SDK1: variants seen among roughly 807,000 people sequenced by gnomAD.
SDK1 encodes the protein sidekick cell adhesion molecule 1, also known as protein sidekick-1.
Under a neutral mutation model 245.5 loss-of-function variants are expected in SDK1, and 157 were observed. The ratio of observed to expected loss-of-function variants is 0.64; its 90% CI spans 0.56 to 0.73. The LOEUF (loss-of-function observed/expected upper bound fraction) is 0.73, where lower values mean the gene tolerates loss of function less well. SDK1 is among the 30% of genes least tolerant of loss of function. The pLI, the probability that SDK1 is intolerant of heterozygous loss-of-function variation, is 0.00. For missense variants in SDK1, 3,583 were observed against 3,002.3 expected, an observed-to-expected ratio of 1.19 and a Z score of -4.52; for synonymous variants, 1,647 against 1,278.5, an observed-to-expected ratio of 1.29 and a Z score of -6.15.
intron 1 of SDK1, chr7:3,302,409 G>C (rs968138529): frequency 6.6e-6 from 1 of 152,178 alleles, no homozygotes; most frequent in African/African-American, 2.4e-5. Flanking sequence ...AGTGGGTGCT[G>C]CGCGGCCGGT....
At chr7:3,338,245 G>C (rs1780254601) in intron 1 of SDK1, 1 of 335,020 alleles carries the variant, frequency 3.0e-6, no homozygotes, top group Non-Finnish European at 5.6e-6. Context: ...TGATATTGGA[G>C]ACATCAAGGG....
chr7:3,319,794 A>ATTTCACTT (rs1393290561), intron 1 of SDK1, among the ~76,000 whole-genome samples: 1 of 145,782 alleles, frequency 6.9e-6, no homozygotes, highest in Non-Finnish European at 1.5e-5. Context: ...CTGTTTAAGG[A>ATTTCACTT]TTTCACTTTA....
intron 1 of SDK1, chr7:3,338,664 G>C (rs538462443): frequency 1.1e-5 from 2 of 188,654 alleles, no homozygotes; most frequent in Admixed American, 6.1e-5. Flanking sequence ...AAATACTCTG[G>C]ACTGTGTTTA....
chr7:4,224,130 A>G (rs746577978), intron 40 of SDK1, among the ~76,000 whole-genome samples: 1 of 152,238 alleles, frequency 6.6e-6, no homozygotes, highest in Non-Finnish European at 1.5e-5. Flanking sequence ...AGGAACCTGC[A>G]GGTGCCTCCA....
At chr7:4,022,326 T>G (rs1183866489) in intron 17 of SDK1, among the ~76,000 whole-genome samples, 1 of 152,166 alleles carries the variant, frequency 6.6e-6, no homozygotes, top group African/African-American at 2.4e-5. Context: ...CCTCCTCCCT[T>G]CAGTGAGTGG....
intron 13 of SDK1, among the ~76,000 whole-genome samples, chr7:3,980,624 T>C (rs1031032675): frequency 9.2e-5 from 14 of 152,240 alleles, no homozygotes; most frequent in African/African-American, 3.4e-4. Context: ...AAAGCTTCAT[T>C]TTCCAAATAA....
intron 1 of SDK1, among the ~76,000 whole-genome samples, chr7:3,545,604 T>C (rs936413236): frequency 1.8e-4 from 28 of 152,324 alleles, no homozygotes; most frequent in Admixed American, 1.2e-3. Context: ...ACTAAGTGAA[T>C]ATTACATGAT....
intron 17 of SDK1, among the ~76,000 whole-genome samples, chr7:4,038,881 T>C (rs529563676): frequency 2.0e-5 from 3 of 152,310 alleles, no homozygotes; most frequent in African/African-American, 7.2e-5. Flanking sequence ...TGTCATTGCA[T>C]CTTCTGATTC....
intron 14 of SDK1, among the ~76,000 whole-genome samples, chr7:4,001,843 G>C (rs1785101571): frequency 6.6e-6 from 1 of 152,164 alleles, no homozygotes; most frequent in African/African-American, 2.4e-5. Context: ...GTCCTCAGTG[G>C]TTTATCCCTG....
At chr7:3,519,448 A>G (rs895105843) in intron 1 of SDK1, among the ~76,000 whole-genome samples, 2 of 152,172 alleles carry the variant, frequency 1.3e-5, no homozygotes, top group Non-Finnish European at 2.9e-5. Flanking sequence ...CTACCCAACA[A>G]TTACACTTTT....
chr7:3,607,125 C>G (rs777105316), intron 1 of SDK1, among the ~76,000 whole-genome samples: 1 of 151,936 alleles, frequency 6.6e-6, no homozygotes, highest in East Asian at 1.9e-4. Flanking sequence ...CCACTAGTCA[C>G]TACCTGCACT....
rs569724963 is a variant in SDK1, at chr7:3,575,665, A to G, written c.299-43415A>G. 1.7e-3 allele frequency among the ~76,000 whole-genome samples: 260 copies of G among 152,122 alleles called. 1 individual carries two copies. The highest frequency in any genetic ancestry group is 6.1e-3 in the African/African-American group (254 of 41,554). ...CAAAGGGACTGTCTTCATAAAGGCA[A>G]TAGATGTGTTTAGAGAAGGTTTGGG... On this transcript the variant is annotated intron_variant, in intron 1 of 44. Coordinates refer to ENST00000404826, the MANE Select transcript of SDK1 (RefSeq NM_152744.4).
intron 5 of SDK1, among the ~76,000 whole-genome samples, chr7:3,892,191 G>T (rs1044870798): frequency 3.9e-5 from 6 of 152,172 alleles, no homozygotes; most frequent in South Asian, 2.1e-4. Flanking sequence ...CCCTACTTCT[G>T]TGTACCAATT....
chr7:4,039,451 A>G (rs1788450476), intron 17 of SDK1, among the ~76,000 whole-genome samples: 1 of 152,210 alleles, frequency 6.6e-6, no homozygotes, highest in African/African-American at 2.4e-5. Flanking sequence ...AATGGCTTCA[A>G]AAATTAACTT....
intron 2 of SDK1, among the ~76,000 whole-genome samples, chr7:3,629,042 C>T (rs977059043): frequency 6.6e-6 from 1 of 151,788 alleles, no homozygotes; most frequent in Admixed American, 6.6e-5. Context: ...CCTATAATCC[C>T]AGCACTTTGG....
At position 3,763,725 on chromosome 7, in the gene SDK1, G is replaced by A. The variant is rs1780170488; in HGVS notation, c.714-57725G>A. ...AACAGTTACCTTTTTAGGGGTGGTG[G>A]TAAGAATGCAAATATTTTATATCTC... is the stretch of plus-strand genomic sequence containing the variant. On this transcript the variant is annotated intron_variant, in intron 4 of 44. Transcript: ENST00000404826. Among the ~76,000 whole-genome samples, 3 of 152,154 alleles carry A rather than the reference G, an allele frequency of 2.0e-5. No individual in the cohort carries two copies. In the South Asian group the frequency reaches 6.2e-4, roughly 32 times the overall value.
At chr7:4,251,552 A>G (rs1787297899) in intron 44 of SDK1, among the ~76,000 whole-genome samples, 2 of 152,216 alleles carry the variant, frequency 1.3e-5, no homozygotes, top group African/African-American at 4.8e-5. Context: ...CTCACTGCCC[A>G]GGGTTTTTAT....
intron 13 of SDK1, among the ~76,000 whole-genome samples, chr7:3,975,124 C>T (rs938809975): frequency 1.3e-5 from 2 of 152,160 alleles, no homozygotes; most frequent in African/African-American, 4.8e-5. Context: ...CGTCAATCTC[C>T]CCCGTCTCTG....
intron 7 of SDK1, among the ~76,000 whole-genome samples, chr7:3,956,441 G>A (rs754940963): frequency 1.2e-4 from 19 of 152,312 alleles, no homozygotes; most frequent in African/African-American, 1.7e-4. Flanking sequence ...GAGAGAACTC[G>A]TACCCTCACA....
Sources: allele counts gnomAD v4.1 joint callset (sites outside exome capture counted in the v4.1 genomes callset), GRCh38; gene constraint gnomAD v4.1.1; transcripts MANE v1.5; gene names NCBI Gene and HGNC (gene_info 2026-07-23, HGNC 2026-07-21).